SKAP1: variants seen among roughly 807,000 people sequenced by gnomAD.
SKAP1 encodes the protein src kinase associated phosphoprotein 1, also known as src kinase-associated phosphoprotein 1.
In SKAP1, 44 loss-of-function variants were observed where a neutral mutation model predicts 58.5. The observed-to-expected ratio is 0.75, with a 90% CI of 0.59 to 0.97. SKAP1 has a LOEUF of 0.97. Among genes scored for constraint, SKAP1 ranks in the 50% least tolerant of loss-of-function variants. SKAP1 has a pLI of 0.00. For missense variants in SKAP1, 390 were observed against 435.2 expected (o/e 0.90, Z 0.92); for synonymous variants, 127 against 149.7 (o/e 0.85, Z 1.11).
At chr17:48,388,798 C>A (rs1207435016) in intron 2 of SKAP1, among the ~76,000 whole-genome samples, 2 of 152,160 alleles carry the variant, frequency 1.3e-5, no homozygotes, top group African/African-American at 4.8e-5. Context: ...TAAACAAATT[C>A]TGCTACTTTG....
intron 4 of SKAP1, among the ~76,000 whole-genome samples, chr17:48,329,430 C>T (rs566084794): frequency 1.3e-5 from 2 of 152,294 alleles, no homozygotes; most frequent in African/African-American, 2.4e-5. Flanking sequence ...CGTGGCTGGG[C>T]GCGGTGGCTC....
chr17:48,360,622 GC>G (rs2066923531), intron 3 of SKAP1, among the ~76,000 whole-genome samples: 1 of 152,014 alleles, frequency 6.6e-6, no homozygotes, highest in Admixed American at 6.6e-5. Context: ...AAAATAAAAA[GC>G]CTCTTTCATG....
intron 11 of SKAP1, among the ~76,000 whole-genome samples, chr17:48,137,592 A>T (rs2063716718): frequency 6.6e-6 from 1 of 151,594 alleles, no homozygotes; most frequent in Non-Finnish European, 1.5e-5. Context: ...CCTGAAGAGC[A>T]TTTTTTTTTA....
chr17:48,138,515 G>A (rs531830751), intron 11 of SKAP1, among the ~76,000 whole-genome samples: 41 of 151,576 alleles, frequency 2.7e-4, no homozygotes, highest in African/African-American at 8.7e-4. Context: ...GATTACAGGC[G>A]CGCACCACCA....
At chr17:48,189,326 A>T (rs941771255) in intron 5 of SKAP1, 97 bp downstream of exon 5, 17 of 968,898 alleles carry the variant, frequency 1.8e-5, no homozygotes, top group Non-Finnish European at 2.4e-5. Context: ...CTAGCACAGT[A>T]CCGGGCACAG....
At chr17:48,406,250 C>T (rs1221748520) in intron 1 of SKAP1, among the ~76,000 whole-genome samples, 1 of 151,180 alleles carries the variant, frequency 6.6e-6, no homozygotes, top group East Asian at 2.0e-4. Flanking sequence ...GGCGACAGAG[C>T]AAGACTCCGT....
At chr17:48,229,336 G>A (rs894460134) in intron 4 of SKAP1, among the ~76,000 whole-genome samples, 1 of 152,046 alleles carries the variant, frequency 6.6e-6, no homozygotes, top group African/African-American at 2.4e-5. Flanking sequence ...TAAAACATTT[G>A]CGGGCCTGGC....
chr17:48,220,160 C>T (rs1028738655), intron 4 of SKAP1, among the ~76,000 whole-genome samples: 5 of 152,172 alleles, frequency 3.3e-5, no homozygotes, highest in Non-Finnish European at 5.9e-5. Flanking sequence ...AAGCGGAATA[C>T]GCACATACCC....
intron 4 of SKAP1, among the ~76,000 whole-genome samples, chr17:48,326,268 G>T (rs1019915881): frequency 6.6e-6 from 1 of 152,046 alleles, no homozygotes; most frequent in Admixed American, 6.5e-5. Flanking sequence ...GTTTTAGTAT[G>T]GGCCAGACTA....
At chr17:48,428,067 T>C (rs1452641433) in intron 1 of SKAP1, among the ~76,000 whole-genome samples, 1 of 152,190 alleles carries the variant, frequency 6.6e-6, no homozygotes, top group Non-Finnish European at 1.5e-5. Flanking sequence ...ACCAATATAT[T>C]GCTATTATTA....
At chr17:48,326,842 A>G (rs1446879204) in intron 4 of SKAP1, among the ~76,000 whole-genome samples, 1 of 151,480 alleles carries the variant, frequency 6.6e-6, no homozygotes, top group African/African-American at 2.4e-5. Flanking sequence ...CTAAAGAGCC[A>G]TTTTAAGTGT....
chr17:48,359,159 A>G (rs1011717509), intron 3 of SKAP1, among the ~76,000 whole-genome samples: 2 of 152,180 alleles, frequency 1.3e-5, no homozygotes, highest in Non-Finnish European at 2.9e-5. Context: ...TTAAACATGT[A>G]TAAAAGTAGA....
At chr17:48,400,973 G>T (rs1334146809) in intron 1 of SKAP1, among the ~76,000 whole-genome samples, 1 of 149,930 alleles carries the variant, frequency 6.7e-6, no homozygotes, top group African/African-American at 2.4e-5. Context: ...AATTAACTTG[G>T]AAATGTAAGG....
intron 1 of SKAP1, among the ~76,000 whole-genome samples, chr17:48,407,954 C>T (rs976340834): frequency 2.0e-5 from 3 of 151,028 alleles, no homozygotes; most frequent in Admixed American, 6.6e-5. Context: ...AAATGATAAA[C>T]CATTAGTAAA....
In SKAP1 at chr17:48,396,681, T is replaced by C. The variant is rs2067421465; in HGVS notation, c.151A>G (p.Arg51Gly). The change falls in exon 2 of 13, where the codon AGG becomes GGG. Residue 51 changes from arginine to glycine, a missense_variant and splice_region_variant. Arg to Gly is a moderately radical substitution (Grantham distance 125). Transcript: ENST00000336915. The part of the protein sequence containing the change: ...ILRGFQQIKA[R>G]YYWDFQPQGG... ...TTAATGGAACCAGTTTATACAAACC[T>C]GGCTTTGATTTGCTGAAAGCCCCGT... is the stretch of plus-strand genomic sequence containing the variant. 1.3e-6 allele frequency: 2 copies of C among 1,597,760 alleles called. No homozygotes were observed. The highest frequency in any genetic ancestry group is 1.7e-5 in the Admixed American group (1 of 59,598).
At chr17:48,384,722 G>C (rs2067255596) in intron 2 of SKAP1, among the ~76,000 whole-genome samples, 2 of 152,210 alleles carry the variant, frequency 1.3e-5, no homozygotes, top group South Asian at 2.1e-4. Context: ...TCATGATTCT[G>C]TTGTCAAGGA....
intron 4 of SKAP1, among the ~76,000 whole-genome samples, chr17:48,273,269 C>T (rs868761177): frequency 2.6e-5 from 4 of 152,152 alleles, no homozygotes; most frequent in Non-Finnish European, 4.4e-5. Flanking sequence ...GGCCATCAAG[C>T]ATACCAGAAA....
chr17:48,289,715 A>G (rs1239590771), intron 4 of SKAP1, among the ~76,000 whole-genome samples: 1 of 152,086 alleles, frequency 6.6e-6, no homozygotes, highest in Non-Finnish European at 1.5e-5. Flanking sequence ...TGTAATCTGT[A>G]GTCATTATTA....
intron 9 of SKAP1, among the ~76,000 whole-genome samples, chr17:48,177,954 A>G (rs2064313529): frequency 6.6e-6 from 1 of 152,046 alleles, no homozygotes; most frequent in Admixed American, 6.6e-5. Flanking sequence ...CTCACTTCCA[A>G]TGGGCAGCTG....
Sources: allele counts gnomAD v4.1 joint callset (sites outside exome capture counted in the v4.1 genomes callset), GRCh38; gene constraint gnomAD v4.1.1; transcripts MANE v1.5; gene names NCBI Gene and HGNC (gene_info 2026-07-23, HGNC 2026-07-21).